The following RPGRIP1L variants were observed in gnomAD, a reference collection of about 807,000 sequenced individuals.
RPGRIP1L encodes protein fantom.
A neutral mutation model predicts 160.4 loss-of-function variants in RPGRIP1L; 131 were observed. The observed-to-expected ratio is 0.82, with a 90% confidence interval of 0.71 to 0.94. The LOEUF (loss-of-function observed/expected upper bound fraction) is 0.94. RPGRIP1L is among the 40% of genes least tolerant of loss of function. The probability of loss-of-function intolerance (pLI) is 0.00; values close to 1 mark genes in which losing one functional copy is unlikely to be tolerated. For synonymous variants in RPGRIP1L, 510 were observed against 515.8 expected, an observed-to-expected ratio of 0.99 and a Z score of 0.15; for missense variants, 1,522 against 1,535.8, an observed-to-expected ratio of 0.99 and a Z score of 0.15.
At chr16:53,648,626 G>GCACACA (rs113624342) in intron 16 of RPGRIP1L, among the ~76,000 whole-genome samples, 11,144 of 143,966 alleles carry the variant, frequency 0.077, 486 homozygotes, top group East Asian at 0.11. Context: ...GCGCGCGCGC[G>GCACACA]CACACACACA....
At chr16:53,660,360 G>C (rs1007312709) in intron 10 of RPGRIP1L, among the ~76,000 whole-genome samples, 2 of 151,962 alleles carry the variant, frequency 1.3e-5, no homozygotes, top group African/African-American at 4.8e-5. Context: ...GAACACATTT[G>C]CCAAGAATTC....
intron 1 of RPGRIP1L, among the ~76,000 whole-genome samples, chr16:53,702,317 C>T (rs192015436): frequency 5.3e-5 from 8 of 152,200 alleles, no homozygotes; most frequent in South Asian, 2.1e-4. Flanking sequence ...AACAAGGAAG[C>T]GGGATGCTAC....
intron 23 of RPGRIP1L, among the ~76,000 whole-genome samples, chr16:53,621,986 G>A (rs978046250): frequency 1.5e-4 from 18 of 120,024 alleles, no homozygotes; most frequent in Admixed American, 1.5e-3. Flanking sequence ...TTGCGTTACT[G>A]CACTCCAGCC....
At chr16:53,697,552 CG>C (rs2064801470) in intron 2 of RPGRIP1L, among the ~76,000 whole-genome samples, 2 of 152,186 alleles carry the variant, frequency 1.3e-5, no homozygotes, top group Admixed American at 6.5e-5. Context: ...TTGGTGGAGA[CG>C]GGGTTTCGCT....
rs577080967 is a variant in RPGRIP1L at position 53,698,493 on chromosome 16, T to TG, written c.85+2145dup. The stretch of plus-strand genomic sequence containing the variant: ...CAGCCGCCCCGTCCAGGAGGGAGGT[T>TG]GGGGGGTCAGCCTCCCGCCCGGCCA... On this transcript the variant is annotated intron_variant, in intron 2 of 26. Coordinates refer to ENST00000647211, the MANE Select transcript of RPGRIP1L (RefSeq NM_015272.5). Among the ~76,000 whole-genome samples, 345 of 84,444 alleles carry TG rather than the reference T, an allele frequency of 4.1e-3. 12 individuals carry two copies. Among genetic ancestry groups the TG allele is most frequent in the African/African-American group, 0.015 (323 of 21,002 alleles). 55.4% of individuals were successfully genotyped at this position (84,444 alleles called of 152,430 possible). A position where few individuals can be genotyped will look rare whatever the true frequency, so the allele number is the denominator to read the frequency against.
rs932312249 is a variant in RPGRIP1L at position 53,600,470 on chromosome 16, C to G, written c.*1606G>C. The G allele has an allele frequency of 6.6e-6, 1 of 152,562 alleles. No homozygotes were observed. Among genetic ancestry groups the G allele is most frequent in the Non-Finnish European group, 1.5e-5 (1 of 68,048 alleles). 9.5% of individuals were successfully genotyped at this position (152,562 alleles called of 1,614,324 possible). A position where few individuals can be genotyped will look rare whatever the true frequency, so the allele number is the denominator to read the frequency against. On this transcript the variant is annotated 3_prime_UTR_variant, in exon 27 of 27. Coordinates refer to ENST00000647211, the MANE Select transcript of RPGRIP1L (RefSeq NM_015272.5). ...TTCTCGGAGATGGCAGGCCCCAGGA[C>G]AGGGAGGCCCAGTGGTATAGACAGA...
In RPGRIP1L at chr16:53,602,058, C is replaced by G; in HGVS notation, c.*18G>C. On this transcript the variant is annotated 3_prime_UTR_variant, in exon 27 of 27. Transcript: ENST00000647211. ...AGCATTTACTGAGGAGTAGGAGATG[C>G]CTCTGGAGCATTTGCTTTCAAGCCT... is the stretch of plus-strand genomic sequence containing the variant. 3 of 1,416,026 alleles carry G rather than the reference C, an allele frequency of 2.1e-6. No homozygotes were observed. Among genetic ancestry groups the G allele is most frequent in the Non-Finnish European group, 3.0e-6 (3 of 1,001,484 alleles). 87.7% of individuals were successfully genotyped at this position (1,416,026 alleles called of 1,614,324 possible).
At chr16:53,658,376 T>A (rs372246513) in intron 12 of RPGRIP1L, 38 bp downstream of exon 12, 2 of 1,476,834 alleles carry the variant, frequency 1.4e-6, no homozygotes, top group African/African-American at 2.8e-5. Context: ...AACAGTTGTA[T>A]GCAGACATGA....
chr16:53,625,249 T>C (rs988500255), intron 22 of RPGRIP1L, among the ~76,000 whole-genome samples: 4 of 151,662 alleles, frequency 2.6e-5, no homozygotes, highest in Admixed American at 2.6e-4. Context: ...GAGGAGCCCC[T>C]CTGCCCGGCA....
intron 10 of RPGRIP1L, among the ~76,000 whole-genome samples, chr16:53,661,832 A>T (rs1039710029): frequency 6.6e-6 from 1 of 152,212 alleles, no homozygotes; most frequent in Admixed American, 6.5e-5. Context: ...AAACAAGGGC[A>T]TTATTAGTGG....
At chr16:53,615,678 T>C (rs1964331248) in intron 24 of RPGRIP1L, among the ~76,000 whole-genome samples, 1 of 151,894 alleles carries the variant, frequency 6.6e-6, no homozygotes, top group Non-Finnish European at 1.5e-5. Flanking sequence ...TTCACCATGT[T>C]GGTCAGGCTG....
intron 9 of RPGRIP1L, among the ~76,000 whole-genome samples, chr16:53,668,253 G>T (rs530321800): frequency 1.3e-5 from 2 of 152,158 alleles, no homozygotes; most frequent in South Asian, 4.2e-4. Context: ...AAGGTTACAG[G>T]GCACAGATGC....
At chr16:53,657,759 G>A in intron 12 of RPGRIP1L, 127 bp from the exon 13 acceptor site, 1 of 620,620 alleles carries the variant, frequency 1.6e-6, no homozygotes, top group Non-Finnish European at 2.8e-6. Flanking sequence ...ATTGAAAACA[G>A]ACAAAGGAAG....
At chr16:53,673,727 T>C (rs1968935015) in intron 7 of RPGRIP1L, among the ~76,000 whole-genome samples, 1 of 152,140 alleles carries the variant, frequency 6.6e-6, no homozygotes, top group Admixed American at 6.6e-5. Context: ...GACACATGGC[T>C]ATTGAGCCAT....
chr16:53,696,602 G>A (rs1970777366), intron 2 of RPGRIP1L, among the ~76,000 whole-genome samples: 1 of 152,110 alleles, frequency 6.6e-6, no homozygotes, highest in Admixed American at 6.5e-5. Flanking sequence ...AAAGACTTTT[G>A]AATTTACCTG....
intron 4 of RPGRIP1L, among the ~76,000 whole-genome samples, chr16:53,689,075 T>C (rs1014739510): frequency 2.7e-5 from 4 of 149,214 alleles, no homozygotes; most frequent in African/African-American, 9.8e-5. Context: ...TATATATATA[T>C]ATGTTATATA....
At position 53,652,792 on chromosome 16, in the gene RPGRIP1L, A is replaced by C. The variant is rs1381232476; in HGVS notation, c.1895T>G (p.Phe632Cys). 6.2e-7 allele frequency: 1 copy of C among 1,614,040 alleles called. No homozygotes were observed. Among genetic ancestry groups the C allele is most frequent in the African/African-American group, 1.3e-5 (1 of 74,940 alleles). The part of the protein sequence containing the change: ...QASGDKEPVT[F>C]CTYAFYDFEL... ...AAAATCATAGAAAGCATAGGTACAG[A>C]AAGTGACAGGCTCTTTATCTCCAGA... The change falls in exon 15 of 27, where the codon TTC becomes TGC. Residue 632 changes from phenylalanine to cysteine, a missense_variant. Transcript: ENST00000647211.
chr16:53,673,102 T>C, intron 7 of RPGRIP1L, 86 bp from the exon 8 acceptor site: 1 of 1,296,788 alleles, frequency 7.7e-7, no homozygotes, highest in Admixed American at 1.9e-5. Flanking sequence ...ATGATTACAA[T>C]TCTATAAATG....
At chr16:53,644,780 C>T (rs1053311576) in intron 17 of RPGRIP1L, among the ~76,000 whole-genome samples, 1 of 152,120 alleles carries the variant, frequency 6.6e-6, no homozygotes, top group Non-Finnish European at 1.5e-5. Flanking sequence ...TAACAGAATC[C>T]TCCCAGACTG....
Sources: allele counts gnomAD v4.1 joint callset (sites outside exome capture counted in the v4.1 genomes callset), GRCh38; gene constraint gnomAD v4.1.1; transcripts MANE v1.5; gene names NCBI Gene and HGNC (gene_info 2026-07-23, HGNC 2026-07-21).